The following SOX5 variants were observed in gnomAD, a reference collection of about 807,000 sequenced individuals.
The protein encoded by SOX5 is SRY-box transcription factor 5, also known as transcription factor SOX-5.
Under a neutral mutation model 92.0 loss-of-function variants are expected in SOX5, and 9 were observed. The ratio of observed to expected loss-of-function variants is 0.10; its 90% CI spans 0.06 to 0.17. The LOEUF (loss-of-function observed/expected upper bound fraction) is 0.17. Among genes scored for constraint, SOX5 ranks in the 10% least tolerant of loss-of-function variants. The probability of loss-of-function intolerance (pLI) is 1.00; values close to 1 mark genes in which losing one functional copy is unlikely to be tolerated. For missense variants in SOX5, 642 were observed against 944.5 expected (o/e 0.68, Z 4.20); for synonymous variants, 344 against 336.3 (o/e 1.02, Z -0.25).
At chr12:23,674,791 A>C (rs1024247426) in intron 6 of SOX5, among the ~76,000 whole-genome samples, 1 of 151,728 alleles carries the variant, frequency 6.6e-6, no homozygotes, top group African/African-American at 2.4e-5. Flanking sequence ...AAATTTCTCT[A>C]TATATACTAC....
At chr12:23,615,984 G>A (rs1409675356) in intron 8 of SOX5, among the ~76,000 whole-genome samples, 2 of 152,102 alleles carry the variant, frequency 1.3e-5, no homozygotes, top group African/African-American at 2.4e-5. Flanking sequence ...CATATAGATA[G>A]TTACCTCTCA....
intron 4 of SOX5, among the ~76,000 whole-genome samples, chr12:24,095,125 AC>A (rs1381862699): frequency 1.6e-5 from 1 of 63,658 alleles, no homozygotes; most frequent in Non-Finnish European, 3.8e-5. Context: ...ACACACACAC[AC>A]ACAGAGAGAG....
rs919628071 is a variant in SOX5, at chr12:23,890,679, C to T, written c.270+5114G>A. Among the ~76,000 whole-genome samples, 7 of 152,180 alleles carry T rather than the reference C, an allele frequency of 4.6e-5. No homozygotes were observed. The East Asian group carries it at 5.8e-4, about 13-fold the overall frequency. On this transcript the variant is annotated intron_variant, in intron 2 of 14. Transcript: ENST00000451604. ...ATACTCATATTGATTGACATGAGGACGCATTCTGGAGAGTCCTTTCCATCA... is the reference window on the plus strand; with the variant it reads ...ATACTCATATTGATTGACATGAGGATGCATTCTGGAGAGTCCTTTCCATCA...
intron 8 of SOX5, among the ~76,000 whole-genome samples, chr12:23,639,711 GTAGAA>G (rs2079783738): frequency 6.6e-6 from 1 of 152,182 alleles, no homozygotes; most frequent in Non-Finnish European, 1.5e-5. Flanking sequence ...ATTAACCTCT[GTAGAA>G]CACAGTATGT....
intron 7 of SOX5, among the ~76,000 whole-genome samples, chr12:23,665,125 A>G (rs1199021917): frequency 1.3e-5 from 2 of 152,202 alleles, no homozygotes; most frequent in Non-Finnish European, 2.9e-5. Flanking sequence ...TCTCACTGTT[A>G]AAAAGGTGGT....
At position 23,887,084 on chromosome 12, in the gene SOX5, G is replaced by T. The variant is rs77937825; in HGVS notation, c.270+8709C>A. ...AGTTTTGTGAATAACTCACTACATT[G>T]TTTCTGTTACTAAAAACGAGTTAAA... On this transcript the variant is annotated intron_variant, in intron 2 of 14. Transcript: ENST00000451604. Among the ~76,000 whole-genome samples, 787 of 152,218 alleles carry T rather than the reference G, an allele frequency of 5.2e-3. 4 individuals carry two copies. Among genetic ancestry groups the T allele is most frequent in the Non-Finnish European group, 8.3e-3 (567 of 67,978 alleles).
chr12:24,245,263 G>A (rs1044157004), intron 3 of SOX5, among the ~76,000 whole-genome samples: 1 of 151,426 alleles, frequency 6.6e-6, no homozygotes, highest in Admixed American at 6.6e-5. Context: ...GTGTGTGTGT[G>A]TGTGTGTGTG....
At chr12:24,250,663 A>G (rs891474806) in intron 3 of SOX5, among the ~76,000 whole-genome samples, 2 of 152,244 alleles carry the variant, frequency 1.3e-5, no homozygotes, top group African/African-American at 4.8e-5. Flanking sequence ...CTCTATTTTT[A>G]TTTAACTTTT....
At chr12:24,310,461 A>T (rs1054580819) in intron 2 of SOX5, among the ~76,000 whole-genome samples, 5 of 152,136 alleles carry the variant, frequency 3.3e-5, no homozygotes, top group Non-Finnish European at 5.9e-5. Flanking sequence ...TTGAAAGAAC[A>T]TTTTTTTAAC....
rs116808706 is a variant in SOX5 at position 24,346,069 on chromosome 12, C to T, written c.-174+22494G>A. The stretch of plus-strand genomic sequence containing the variant: ...ATCAACATTAAGTTTCAACTGTTCA[C>T]GTCATCCCGTTAAGAATGTATTTCT... On this transcript the variant is annotated intron_variant, in intron 2 of 4. Coordinates refer to the SOX5 transcript ENST00000446891. Among the ~76,000 whole-genome samples, 432 of 152,340 alleles carry T rather than the reference C, an allele frequency of 2.8e-3. 2 individuals are homozygous for T. Among genetic ancestry groups the T allele is most frequent in the African/African-American group, 1.0e-2 (415 of 41,586 alleles).
chr12:24,168,671 A>T (rs1953705727), intron 4 of SOX5, among the ~76,000 whole-genome samples: 1 of 152,196 alleles, frequency 6.6e-6, no homozygotes, highest in South Asian at 2.1e-4. Context: ...ACACAGAAGA[A>T]AATTGGACAA....
chr12:23,994,372 A>G (rs948892492), intron 4 of SOX5, among the ~76,000 whole-genome samples: 4 of 152,158 alleles, frequency 2.6e-5, no homozygotes, highest in African/African-American at 4.8e-5. Context: ...AGAGTAATAA[A>G]TTAGCCCTTT....
intron 3 of SOX5, among the ~76,000 whole-genome samples, chr12:24,259,032 A>G (rs1941682045): frequency 6.6e-6 from 1 of 152,190 alleles, no homozygotes; most frequent in Admixed American, 6.5e-5. Flanking sequence ...TCAATAGGTA[A>G]TGTATCTAGA....
At chr12:24,032,230 A>G (rs892137138) in intron 4 of SOX5, among the ~76,000 whole-genome samples, 13 of 151,814 alleles carry the variant, frequency 8.6e-5, no homozygotes, top group African/African-American at 3.1e-4. Context: ...TTTTAAACAG[A>G]AAACCCATAG....
chr12:24,415,134 A>C (rs1435208076), intron 1 of SOX5, among the ~76,000 whole-genome samples: 1 of 152,218 alleles, frequency 6.6e-6, no homozygotes, highest in African/African-American at 2.4e-5. Flanking sequence ...GTGGTTTTTA[A>C]TATTAAAAAG....
intron 4 of SOX5, among the ~76,000 whole-genome samples, chr12:23,973,615 C>T (rs1238082007): frequency 2.0e-5 from 3 of 152,190 alleles, no homozygotes; most frequent in African/African-American, 7.2e-5. Context: ...GCAGGAGACA[C>T]ATTCCAATAC....
At chr12:23,933,656 T>C (rs1428715398) in intron 1 of SOX5, among the ~76,000 whole-genome samples, 3 of 151,614 alleles carry the variant, frequency 2.0e-5, no homozygotes. Flanking sequence ...TATAAAGTTT[T>C]CATGCTTCAA....
At chr12:24,365,047 T>C (rs1956026946) in intron 2 of SOX5, among the ~76,000 whole-genome samples, 1 of 152,122 alleles carries the variant, frequency 6.6e-6, no homozygotes, top group Non-Finnish European at 1.5e-5. Context: ...ACAACTTGGG[T>C]ATATTAAACT....
At chr12:23,835,940 G>A (rs2096407567) in intron 3 of SOX5, among the ~76,000 whole-genome samples, 1 of 151,784 alleles carries the variant, frequency 6.6e-6, no homozygotes, top group Admixed American at 6.6e-5. Flanking sequence ...GGTATTCCCT[G>A]AAACTGGAAT....
Sources: gnomAD v4.1 joint callset for allele counts (sites outside exome capture counted in the v4.1 genomes callset) on GRCh38, gnomAD v4.1.1 for gene constraint, MANE v1.5 for transcripts, NCBI Gene and HGNC (gene_info 2026-07-23, HGNC 2026-07-21) for gene names.